Variants in CCDC39 observed in about 807,000 individuals in gnomAD.
The protein encoded by CCDC39 is coiled-coil domain-containing protein 39.
Under a neutral mutation model 121.0 loss-of-function variants are expected in CCDC39, and 113 were observed. The ratio of observed to expected loss-of-function variants is 0.93; its 90% CI spans 0.80 to 1.09. CCDC39 has a LOEUF of 1.09. Ranked by LOEUF, CCDC39 falls within the 50% of genes least tolerant of loss-of-function variation. The pLI, the probability that CCDC39 is intolerant of heterozygous loss-of-function variation, is 0.00. For missense variants in CCDC39, 1,063 were observed against 1,074.7 expected, an observed-to-expected ratio of 0.99 and a Z score of 0.15; for synonymous variants, 349 against 352.2, an observed-to-expected ratio of 0.99 and a Z score of 0.10.
At chr3:180,624,455 C>G (rs2108409128) in intron 14 of CCDC39, among the ~76,000 whole-genome samples, 1 of 152,060 alleles carries the variant, frequency 6.6e-6, no homozygotes, top group East Asian at 1.9e-4. Flanking sequence ...ATATTTTCAA[C>G]TGTTACCTAG....
At chr3:180,651,081 A>G (rs992048814) in intron 9 of CCDC39, among the ~76,000 whole-genome samples, 13 of 150,560 alleles carry the variant, frequency 8.6e-5, no homozygotes, top group Admixed American at 3.3e-4. Flanking sequence ...TGTAATCCCA[A>G]CTACTCGGGA....
intron 8 of CCDC39, 146 bp from the exon 9 acceptor site, chr3:180,651,679 AC>A: frequency 1.5e-6 from 1 of 687,840 alleles, no homozygotes; most frequent in Non-Finnish European, 2.2e-6. Flanking sequence ...TATTTAATAG[AC>A]CATAAAAATA....
intron 1 of CCDC39, among the ~76,000 whole-genome samples, chr3:180,676,929 A>G (rs937811858): frequency 1.3e-5 from 2 of 151,606 alleles, no homozygotes; most frequent in East Asian, 3.9e-4. Flanking sequence ...TCTCACTCAT[A>G]GGTGGGAATT....
In CCDC39 at chr3:180,652,194, T is replaced by C. The variant is rs1394668052; in HGVS notation, c.1003A>G (p.Ile335Val). Reference sequence around the variant, plus strand: ...GTTTCTTCATGAATGTCCTTCTTTATCTTGGAAATATTTTTCCTCAGAGCT... The same window carrying C: ...GTTTCTTCATGAATGTCCTTCTTTACCTTGGAAATATTTTTCCTCAGAGCT... ...LEALRKNISKIKKDIHEETAR... is the reference protein window; with the variant it reads ...LEALRKNISKVKKDIHEETAR... Residue 335 changes from isoleucine (I) to valine (V), a missense_variant, in exon 8 of 20, where the codon ATA becomes GTA. Ile to Val is a conservative substitution (Grantham distance 29). Transcript: ENST00000476379. 1.3e-6 allele frequency: 2 copies of C among 1,534,294 alleles called. No individual in the cohort carries two copies. The highest frequency in any genetic ancestry group is 1.3e-5 in the South Asian group (1 of 78,370).
At chr3:180,625,749 T>G (rs2108409812) in intron 14 of CCDC39, among the ~76,000 whole-genome samples, 2 of 152,186 alleles carry the variant, frequency 1.3e-5, no homozygotes, top group South Asian at 4.1e-4. Flanking sequence ...AGTACACAGG[T>G]TCAGTGGTAT....
intron 15 of CCDC39, 94 bp downstream of exon 15, chr3:180,619,717 T>C: frequency 1.4e-6 from 1 of 739,324 alleles, no homozygotes; most frequent in South Asian, 2.4e-5. Flanking sequence ...TCTAACATAG[T>C]TTGCTTTTGT....
rs1718084515 is a variant in CCDC39, at chr3:180,647,155, A to G, written c.1451T>C (p.Ile484Thr). 1.2e-6 allele frequency: 2 copies of G among 1,612,076 alleles called. No individual in the cohort carries two copies. Among genetic ancestry groups the G allele is most frequent in the Non-Finnish European group, 1.7e-6 (2 of 1,179,174 alleles). The change falls in exon 11 of 20, where the codon ATT becomes ACT. Residue 484 changes from isoleucine (I) to threonine (T), a missense_variant. Transcript: ENST00000476379. ...TTCCAAAGACTTCCTAAGTTCAACA[A>G]TTTTTGCTTCAAGCGCTTGTTTTTC... ...SEEKQALEAK[I>T]VELRKSLEEK...
Position 180,663,961 on chromosome 3 carries a change from G to T in CCDC39, c.116C>A (p.Ala39Glu). 6.2e-7 allele frequency: 1 copy of T among 1,611,670 alleles called. No homozygotes were observed. The highest frequency in any genetic ancestry group is 8.5e-7 in the Non-Finnish European group (1 of 1,179,062). The change falls in exon 2 of 20, where the codon GCA becomes GAA. Residue 39 changes from alanine (A) to glutamate (E), a missense_variant. By Grantham distance (107) the Ala-to-Glu change is moderately radical (BLOSUM62 -1). Coordinates refer to ENST00000476379, the MANE Select transcript of CCDC39 (RefSeq NM_181426.2). The part of the protein sequence containing the change: ...DQLSKLKDER[A>E]SLQDELREYE... Reference sequence around the variant, plus strand: ...CTCACGTAACTCATCTTGCAAGCTTGCTCTTTCATCCTTCAGCTTTGACAA... The same window carrying T: ...CTCACGTAACTCATCTTGCAAGCTTTCTCTTTCATCCTTCAGCTTTGACAA...
At chr3:180,624,038 C>A (rs1463484545) in intron 14 of CCDC39, among the ~76,000 whole-genome samples, 1 of 151,954 alleles carries the variant, frequency 6.6e-6, no homozygotes, top group African/African-American at 2.4e-5. Context: ...TGTTGACCCA[C>A]CATTATTGTC....
At chr3:180,678,130 C>G (rs1403152572) in intron 1 of CCDC39, among the ~76,000 whole-genome samples, 3 of 152,116 alleles carry the variant, frequency 2.0e-5, no homozygotes, top group Non-Finnish European at 2.9e-5. Context: ...ATCTCCATCT[C>G]CGCTTTACAA....
intron 1 of CCDC39, among the ~76,000 whole-genome samples, chr3:180,677,131 A>G (rs1286794502): frequency 1.5e-5 from 2 of 131,196 alleles, no homozygotes; most frequent in Admixed American, 8.0e-5. Flanking sequence ...TGTACCCTAA[A>G]ACTTAAAGTA....
chr3:180,637,802 A>G (rs1037810088), intron 13 of CCDC39, among the ~76,000 whole-genome samples: 8 of 152,216 alleles, frequency 5.3e-5, no homozygotes, highest in Non-Finnish European at 1.2e-4. Context: ...GCTGGAGGCC[A>G]TTATCCTTAG....
intron 13 of CCDC39, among the ~76,000 whole-genome samples, chr3:180,639,960 C>A (rs1349847454): frequency 6.6e-6 from 1 of 151,952 alleles, no homozygotes; most frequent in Non-Finnish European, 1.5e-5. Context: ...AAAAGCCAGA[C>A]AAAAGGCAGA....
chr3:180,636,260 A>G (rs1342056822), intron 13 of CCDC39, among the ~76,000 whole-genome samples: 1 of 152,232 alleles, frequency 6.6e-6, no homozygotes, highest in African/African-American at 2.4e-5. Flanking sequence ...GCAAAGTTTC[A>G]GGATACAAAA....
intron 14 of CCDC39, among the ~76,000 whole-genome samples, chr3:180,626,291 C>T (rs1717558976): frequency 1.3e-5 from 2 of 152,098 alleles, no homozygotes. Flanking sequence ...GGATGGCATA[C>T]TTGAGTACTT....
chr3:180,642,600 G>C (rs1193219982), intron 12 of CCDC39, among the ~76,000 whole-genome samples: 1 of 151,872 alleles, frequency 6.6e-6, no homozygotes, highest in African/African-American at 2.4e-5. Flanking sequence ...ACTGACATAA[G>C]AGTACACATA....
intron 6 of CCDC39, among the ~76,000 whole-genome samples, chr3:180,656,343 G>A (rs1012883630): frequency 4.6e-5 from 7 of 152,116 alleles, no homozygotes; most frequent in African/African-American, 1.4e-4. Context: ...CTTCTACACT[G>A]TAATAAAAGC....
At chr3:180,635,987 C>T (rs1412318960) in intron 13 of CCDC39, among the ~76,000 whole-genome samples, 1 of 152,204 alleles carries the variant, frequency 6.6e-6, no homozygotes, top group Non-Finnish European at 1.5e-5. Context: ...GACAAACCCA[C>T]AGCCAACATG....
chr3:180,672,827 C>G (rs1349659309), intron 1 of CCDC39, among the ~76,000 whole-genome samples: 3 of 152,074 alleles, frequency 2.0e-5, no homozygotes, highest in Non-Finnish European at 4.4e-5. Context: ...AAATTGAAAA[C>G]CTTCTGGAAA....
Sources: allele counts gnomAD v4.1 joint callset (sites outside exome capture counted in the v4.1 genomes callset), GRCh38; gene constraint gnomAD v4.1.1; transcripts MANE v1.5; gene names NCBI Gene and HGNC (gene_info 2026-07-23, HGNC 2026-07-21).